The following VTI1A variants were observed in gnomAD, a reference collection of about 807,000 sequenced individuals.
VTI1A encodes the protein vesicle transport through interaction with t-SNAREs homolog 1A.
A neutral mutation model predicts 34.9 loss-of-function variants in VTI1A; 22 were observed. The ratio of observed to expected loss-of-function variants is 0.63; its 90% CI spans 0.45 to 0.90. The LOEUF (loss-of-function observed/expected upper bound fraction) is 0.90. VTI1A is among the 40% of genes least tolerant of loss of function. VTI1A has a pLI of 0.00. For missense variants in VTI1A, 268 were observed against 275.6 expected (o/e 0.97, Z 0.20); for synonymous variants, 87 against 97.3 (o/e 0.89, Z 0.62).
chr10:112,517,338 G>C (rs1849815415), intron 3 of VTI1A, among the ~76,000 whole-genome samples: 2 of 152,004 alleles, frequency 1.3e-5, no homozygotes, highest in Non-Finnish European at 2.9e-5. Context: ...AAATGAAGTA[G>C]TATTGGACGA....
At chr10:112,577,358 G>T (rs11196000) in intron 5 of VTI1A, among the ~76,000 whole-genome samples, 15,884 of 152,038 alleles carry the variant, frequency 0.1, 2,208 homozygotes, top group African/African-American at 0.32. Flanking sequence ...ATCCTTATCC[G>T]CATGAGTTAG....
At chr10:112,805,038 T>A (rs1853024540) in intron 7 of VTI1A, among the ~76,000 whole-genome samples, 1 of 151,378 alleles carries the variant, frequency 6.6e-6, no homozygotes, top group Non-Finnish European at 1.5e-5. Flanking sequence ...TTTTTTTTTT[T>A]ACTTTTTGTA....
chr10:112,563,260 G>A (rs1417349379), intron 5 of VTI1A, among the ~76,000 whole-genome samples: 1 of 152,096 alleles, frequency 6.6e-6, no homozygotes, highest in African/African-American at 2.4e-5. Flanking sequence ...GTATTTTTAC[G>A]CTTGAACTAC....
At chr10:112,692,446 A>G (rs1012631934) in intron 7 of VTI1A, among the ~76,000 whole-genome samples, 1 of 152,138 alleles carries the variant, frequency 6.6e-6, no homozygotes, top group South Asian at 2.1e-4. Context: ...ATCTTACTTC[A>G]GGCCCAGAAA....
intron 3 of VTI1A, among the ~76,000 whole-genome samples, chr10:112,497,990 C>A (rs1320375561): frequency 7.2e-5 from 11 of 152,138 alleles, no homozygotes; most frequent in Non-Finnish European, 2.9e-5. Flanking sequence ...TGACTCCCCA[C>A]TGTTTATATT....
the VTI1A span, among the ~76,000 whole-genome samples, chr10:112,841,353 C>T: frequency 2.6e-5 from 4 of 152,290 alleles, no homozygotes; most frequent in East Asian, 7.7e-4. Context: ...TGAGGGTGTT[C>T]TGGAAAACAA....
intron 7 of VTI1A, among the ~76,000 whole-genome samples, chr10:112,765,315 T>C (rs1035286853): frequency 2.6e-5 from 4 of 152,216 alleles, no homozygotes; most frequent in Non-Finnish European, 5.9e-5. Context: ...TTTCAAGCAC[T>C]TCACCTGCCT....
chr10:112,462,093 A>C (rs1449614737), intron 2 of VTI1A, among the ~76,000 whole-genome samples: 1 of 151,908 alleles, frequency 6.6e-6, no homozygotes, highest in Non-Finnish European at 1.5e-5. Context: ...CAGGTGATCC[A>C]CCCACCTTGG....
chr10:112,551,150 A>T (rs1388140146), intron 5 of VTI1A, among the ~76,000 whole-genome samples: 1 of 148,158 alleles, frequency 6.7e-6, no homozygotes, highest in Non-Finnish European at 1.5e-5. Flanking sequence ...AGGCTGAGGC[A>T]GGAGAATGGT....
chr10:112,774,756 G>A (rs912829186), intron 7 of VTI1A, among the ~76,000 whole-genome samples: 8 of 152,106 alleles, frequency 5.3e-5, no homozygotes, highest in Non-Finnish European at 7.4e-5. Flanking sequence ...AAACCATTTA[G>A]AAGAGGCAAT....
At chr10:112,588,893 G>A (rs920996653) in intron 5 of VTI1A, among the ~76,000 whole-genome samples, 20 of 151,966 alleles carry the variant, frequency 1.3e-4, no homozygotes, top group Non-Finnish European at 5.9e-5. Flanking sequence ...TACCTCTCCT[G>A]ACACCTTCAC....
chr10:112,547,398 G>A (rs1426566983), intron 5 of VTI1A, among the ~76,000 whole-genome samples: 1 of 152,046 alleles, frequency 6.6e-6, no homozygotes, highest in Non-Finnish European at 1.5e-5. Flanking sequence ...CCAACATGGT[G>A]AAACCCCGTC....
chr10:112,464,426 C>G, intron 2 of VTI1A, 121 bp from the exon 3 acceptor site: 1 of 808,444 alleles, frequency 1.2e-6, no homozygotes, highest in Non-Finnish European at 2.0e-6. Context: ...CATTCAGCAC[C>G]CTGAACCTGG....
At chr10:112,725,411 A>G (rs1849984456) in intron 7 of VTI1A, among the ~76,000 whole-genome samples, 1 of 152,202 alleles carries the variant, frequency 6.6e-6, no homozygotes, top group Non-Finnish European at 1.5e-5. Flanking sequence ...ATGCAAATTC[A>G]ACTGTATCAC....
chr10:112,742,368 AC>A (rs1375817901), intron 7 of VTI1A, among the ~76,000 whole-genome samples: 1 of 152,150 alleles, frequency 6.6e-6, no homozygotes, highest in African/African-American at 2.4e-5. Flanking sequence ...TTGATACAGA[AC>A]CCCAGCATCC....
Position 112,817,555 on chromosome 10 carries a change from C to T in VTI1A, c.*2172C>T, listed in dbSNP as rs535859923. ...CCCTTGGCCTAACAGCTCCATCAAA[C>T]CTCCTTGAGAGCAACTACCTAGGCC... On this transcript the variant is annotated 3_prime_UTR_variant, in exon 8 of 8. Coordinates refer to ENST00000393077, the MANE Select transcript of VTI1A (RefSeq NM_145206.4). The T allele has an allele frequency of 3.5e-5, 8 of 229,448 alleles. No individual in the cohort carries two copies. The highest frequency in any genetic ancestry group is 1.8e-4 in the African/African-American group (8 of 45,234). The allele number at this position is 229,448 out of a possible 1,614,324, so 14.2% of individuals were successfully genotyped here.
At chr10:112,598,510 C>G (rs1385797333) in intron 5 of VTI1A, among the ~76,000 whole-genome samples, 4 of 152,180 alleles carry the variant, frequency 2.6e-5, no homozygotes, top group Non-Finnish European at 2.9e-5. Context: ...TGTAGCCTTG[C>G]AGGCTATTTT....
At chr10:112,689,728 T>C (rs1009774236) in intron 7 of VTI1A, among the ~76,000 whole-genome samples, 5 of 152,074 alleles carry the variant, frequency 3.3e-5, no homozygotes, top group African/African-American at 1.2e-4. Flanking sequence ...GCCTACAGAT[T>C]TTTTTACTTT....
chr10:112,836,888 C>T, the VTI1A span, among the ~76,000 whole-genome samples: 5 of 152,304 alleles, frequency 3.3e-5, no homozygotes, highest in South Asian at 6.2e-4. Context: ...TAAACCATCT[C>T]GGAAGAATGC....
Sources: allele counts gnomAD v4.1 joint callset (sites outside exome capture counted in the v4.1 genomes callset), GRCh38; gene constraint gnomAD v4.1.1; transcripts MANE v1.5; gene names NCBI Gene and HGNC (gene_info 2026-07-23, HGNC 2026-07-21).